CNR1: variants seen among roughly 807,000 people sequenced by gnomAD.
CNR1 encodes cannabinoid receptor 1.
A neutral mutation model predicts 23.0 loss-of-function variants in CNR1; 10 were observed. The ratio of observed to expected loss-of-function variants is 0.43; its 90% confidence interval spans 0.27 to 0.74. The LOEUF (loss-of-function observed/expected upper bound fraction) is 0.74, where lower values mean the gene tolerates loss of function less well. Ranked by LOEUF, CNR1 falls within the 30% of genes least tolerant of loss-of-function variation. CNR1 has a pLI of 0.19. For synonymous variants in CNR1, 271 were observed against 255.2 expected, an observed-to-expected ratio of 1.06 and a Z score of -0.59; for missense variants, 422 against 618.8, an observed-to-expected ratio of 0.68 and a Z score of 3.37.
intron 1 of CNR1, among the ~76,000 whole-genome samples, chr6:88,160,771 C>T (rs921372969): frequency 9.2e-5 from 14 of 152,098 alleles, no homozygotes; most frequent in Admixed American, 8.5e-4. Flanking sequence ...TAGAATTTAT[C>T]GCTAGCTTGA....
intron 1 of CNR1, among the ~76,000 whole-genome samples, chr6:88,154,004 C>A (rs1777664954): frequency 2.0e-5 from 3 of 152,188 alleles, no homozygotes; most frequent in Admixed American, 2.0e-4. Flanking sequence ...CCTGATAATT[C>A]AGGCAAAAAT....
Position 88,160,379 on chromosome 6 carries a change from AC to A in CNR1, c.-64+5423del, listed in dbSNP as rs572790096. On this transcript the variant is annotated intron_variant, in intron 1 of 1. Transcript: ENST00000369501. Reference sequence around the variant, plus strand: ...CAATGTTATGAATTACCTAGTACAAACGTCCATATAAGTAGAAATTTATTTA... The same window carrying A: ...CAATGTTATGAATTACCTAGTACAAAGTCCATATAAGTAGAAATTTATTTA... Among the ~76,000 whole-genome samples, 1,105 of 151,948 alleles carry A rather than the reference AC, an allele frequency of 7.3e-3. 6 individuals are homozygous for A. The highest frequency in any genetic ancestry group is 0.017 in the Middle Eastern group (5 of 294).
chr6:88,141,616 T>C lies in CNR1; in HGVS notation c.*2240A>G, dbSNP rs1776822738. 1 of 152,388 alleles carries C rather than the reference T, an allele frequency of 6.6e-6. No individual in the cohort carries two copies. The highest frequency in any genetic ancestry group is 2.4e-5 in the African/African-American group (1 of 41,472). 9.4% of individuals were successfully genotyped at this position (152,388 alleles called of 1,614,324 possible). A position where few individuals can be genotyped will look rare whatever the true frequency, so the allele number is the denominator to read the frequency against. On this transcript the variant is annotated 3_prime_UTR_variant, in exon 2 of 2. Transcript: ENST00000369501. ...CAATTCTTAAATGCAAACTAAACCC[T>C]GGTGAGTTCTTCTTGTAAATAATCT...
In CNR1 at chr6:88,140,002, A is replaced by T. The variant is rs915152479; in HGVS notation, c.*3854T>A. On this transcript the variant is annotated 3_prime_UTR_variant, in exon 2 of 2. Coordinates refer to ENST00000369501, the MANE Select transcript of CNR1 (RefSeq NM_016083.6). ...ATAAAATATACTGTGGGCTTAATAC[A>T]TTGTAAATATTACAGAAGAAGTACT... 6.6e-5 allele frequency: 10 copies of T among 152,584 alleles called. 1 individual carries two copies. The highest frequency in any genetic ancestry group is 5.9e-4 in the Admixed American group (9 of 15,288). 9.5% of individuals were successfully genotyped at this position (152,584 alleles called of 1,614,324 possible). A position where few individuals can be genotyped will look rare whatever the true frequency, so the allele number is the denominator to read the frequency against.
At position 88,144,547 on chromosome 6, in the gene CNR1, A is replaced by G. The variant is rs151214105; in HGVS notation, c.728T>C (p.Ile243Thr). The change falls in exon 2 of 2, where the codon ATA (isoleucine) becomes ACA (threonine). Residue 243 changes from isoleucine (I) to threonine (T), a missense_variant. By Grantham distance (89) the Ile-to-Thr change is moderately conservative. Around this residue, in one of 4 missense-constraint regions of CNR1, gnomAD observed 211 missense variants for 357.3 expected, o/e 0.59. Transcript: ENST00000369501. The surrounding 1 kb of genome is among the most constrained non-coding windows in gnomAD (Gnocchi z 7.8). ...AVVAFCLMWT[I>T]AIVIAVLPLL... is the part of the protein sequence containing the mutation. ...AGGCAGCACGGCGATCACAATGGCT[A>G]TGGTCCACATCAGGCAAAACGCCAC... The G allele has an allele frequency of 1.2e-6, 2 of 1,614,228 alleles. No individual in the cohort carries two copies. The highest frequency in any genetic ancestry group is 1.7e-6 in the Non-Finnish European group (2 of 1,180,040).
At chr6:88,166,879 C>G (rs1206810321), upstream of CNR1, among the ~76,000 whole-genome samples, 1 of 151,836 alleles carries the variant, frequency 6.6e-6, no homozygotes, top group Non-Finnish European at 1.5e-5. Context: ...CGCGCAAGGC[C>G]GCTCCCGTGG....
intron 1 of CNR1, among the ~76,000 whole-genome samples, chr6:88,146,770 T>A (rs1168405151): frequency 6.6e-6 from 1 of 152,248 alleles, no homozygotes; most frequent in Non-Finnish European, 1.5e-5. Context: ...GCATTTGTTG[T>A]TCCTGAAACA....
intron 1 of CNR1, among the ~76,000 whole-genome samples, chr6:88,158,027 G>A (rs555200081): frequency 6.6e-6 from 1 of 152,288 alleles, no homozygotes; most frequent in South Asian, 2.1e-4. Flanking sequence ...AGGTACTTAT[G>A]TATCACCTAC....
chr6:88,144,354 G>C lies in CNR1; in HGVS notation c.921C>G (p.Arg307=). The change falls in exon 2 of 2, where the codon CGC becomes CGG. Residue 307 remains arginine (R), a synonymous_variant. Coordinates refer to ENST00000369501, the MANE Select transcript of CNR1 (RefSeq NM_016083.6). The surrounding 1 kb of genome is among the most constrained non-coding windows in gnomAD (Gnocchi z 7.8). ...ILWKAHSHAV[R]MIQRGTQKSI... ...TCTTCTGGGTGCCACGCTGAATCAT[G>C]CGGACGGCGTGGCTGTGAGCCTTCC... The C allele has an allele frequency of 6.2e-7, 1 of 1,613,770 alleles. No individual in the cohort carries two copies. Among genetic ancestry groups the C allele is most frequent in the East Asian group, 2.2e-5 (1 of 44,882 alleles).
In CNR1 at chr6:88,144,050, G is replaced by T. The variant is rs149335541; in HGVS notation, c.1225C>A (p.Arg409=). The T allele has an allele frequency of 1.9e-4, 300 of 1,614,028 alleles. 1 individual carries two copies. In the East Asian group the frequency reaches 6.6e-3, roughly 36 times the overall value. The change falls in exon 2 of 2, where the codon CGG becomes AGG. Residue 409 remains arginine (R), a synonymous_variant. Transcript: ENST00000369501. The surrounding 1 kb of genome is among the most constrained non-coding windows in gnomAD (Gnocchi z 7.8). The part of the protein sequence containing the change: ...LRSKDLRHAF[R]SMFPSCEGTA... ...CCTTCACAAGAGGGAAACATGCTCC[G>T]GAAAGCGTGTCGCAGGTCCTTACTC...
rs1474204939 is a variant in CNR1 at position 88,165,862 on chromosome 6, G to C, written c.-123C>G. 1 of 152,460 alleles carries C rather than the reference G, an allele frequency of 6.6e-6. No individual in the cohort carries two copies. The highest frequency in any genetic ancestry group is 1.5e-5 in the Non-Finnish European group (1 of 68,144). 9.4% of individuals were successfully genotyped at this position (152,460 alleles called of 1,614,324 possible). On this transcript the variant is annotated 5_prime_UTR_variant, in exon 1 of 2. Transcript: ENST00000369501. ...CCTTGGCACCTCTCGCCCAGCTCAG[G>C]GGCTGGTTGTCCGCTAGAACGAAAT...
intron 1 of CNR1, among the ~76,000 whole-genome samples, chr6:88,147,336 G>A (rs1345619207): frequency 6.6e-6 from 1 of 152,044 alleles, no homozygotes; most frequent in Non-Finnish European, 1.5e-5. Flanking sequence ...CCGCATGAAG[G>A]ATATGATCTA....
chr6:88,151,376 TCCAA>T (rs1777508748), intron 1 of CNR1, among the ~76,000 whole-genome samples: 1 of 152,180 alleles, frequency 6.6e-6, no homozygotes. Flanking sequence ...CTTCACTGAT[TCCAA>T]CCAGTCAAAG....
chr6:88,139,975 A>C lies in CNR1; in HGVS notation c.*3881T>G, dbSNP rs1294417204. The C allele has an allele frequency of 6.6e-6, 1 of 152,416 alleles. No homozygotes were observed. Among genetic ancestry groups the C allele is most frequent in the East Asian group, 1.9e-4 (1 of 5,310 alleles). 9.4% of individuals were successfully genotyped at this position (152,416 alleles called of 1,614,324 possible). On this transcript the variant is annotated 3_prime_UTR_variant, in exon 2 of 2. Transcript: ENST00000369501. ...ATAAGTTAACAGTTTAATTACATTG[A>C]AATAAAATATACTGTGGGCTTAATA...
rs1182696122 is a variant in CNR1 at position 88,140,976 on chromosome 6, A to AG, written c.*2879_*2880insC. 6.6e-6 allele frequency: 1 copy of AG among 151,902 alleles called. No individual in the cohort carries two copies. The highest frequency in any genetic ancestry group is 1.5e-5 in the Non-Finnish European group (1 of 67,908). 9.4% of individuals were successfully genotyped at this position (151,902 alleles called of 1,614,324 possible). ...GACTGATTCATCATGACTCTGATAA[A>AG]AAAAAAATGAGCAGGTTGGGAATTT... On this transcript the variant is annotated 3_prime_UTR_variant, in exon 2 of 2. Transcript: ENST00000369501.
Position 88,140,027 on chromosome 6 carries a change from T to G in CNR1, c.*3829A>C, listed in dbSNP as rs1776721427. 1 of 152,758 alleles carries G rather than the reference T, an allele frequency of 6.5e-6. No homozygotes were observed. The highest frequency in any genetic ancestry group is 2.1e-4 in the South Asian group (1 of 4,836). 9.5% of individuals were successfully genotyped at this position (152,758 alleles called of 1,614,324 possible). ...ATTGTAAATATTACAGAAGAAGTAC[T>G]ACTTTGCTATAGTAATTTAATGACT... On this transcript the variant is annotated 3_prime_UTR_variant, in exon 2 of 2. Transcript: ENST00000369501.
intron 1 of CNR1, among the ~76,000 whole-genome samples, chr6:88,161,310 T>A (rs1485336516): frequency 6.6e-6 from 1 of 152,240 alleles, no homozygotes; most frequent in Non-Finnish European, 1.5e-5. Flanking sequence ...CTGCAATGAC[T>A]CTGCCATGCC....
In CNR1 at chr6:88,166,136, CG is replaced by C. The variant is rs1322974720; in HGVS notation, c.-398del. On this transcript the variant is annotated 5_prime_UTR_variant, in exon 1 of 2. Coordinates refer to ENST00000369501, the MANE Select transcript of CNR1 (RefSeq NM_016083.6). The stretch of plus-strand genomic sequence containing the variant: ...TCAGTCCGTCCGAGCGCCGGCGTCC[CG>C]GTCTCCAGCGCCCGCCCGCGACAGC... The C allele has an allele frequency of 2.6e-5, 4 of 152,100 alleles. No homozygotes were observed. The highest frequency in any genetic ancestry group is 7.2e-5 in the African/African-American group (3 of 41,432). The allele number at this position is 152,100 out of a possible 1,614,324, so 9.4% of individuals were successfully genotyped here.
chr6:88,145,267 G>T lies in CNR1; in HGVS notation c.8C>A (p.Ser3Ter). The change falls in exon 2 of 2, where the codon TCG becomes TAG. Residue 3 changes from serine (S) to a stop codon, truncating the protein, a stop_gained. Coordinates refer to ENST00000369501, the MANE Select transcript of CNR1 (RefSeq NM_016083.6). LOFTEE classifies it high-confidence loss of function. ...GGTATCTGCAAGGCCATCTAGGATCGACTTCATAACCTCAGTCTTTGATTA... is the reference window on the plus strand; with the variant it reads ...GGTATCTGCAAGGCCATCTAGGATCTACTTCATAACCTCAGTCTTTGATTA... The part of the protein sequence containing the change: MK[S>*]ILDGLADTTF... The T allele has an allele frequency of 6.2e-7, 1 of 1,607,914 alleles. No individual in the cohort carries two copies. Among genetic ancestry groups the T allele is most frequent in the Non-Finnish European group, 8.5e-7 (1 of 1,176,062 alleles).
Sources: gnomAD v4.1 joint callset for allele counts (sites outside exome capture counted in the v4.1 genomes callset) on GRCh38, gnomAD v4.1.1 for gene constraint, gnomAD v4.1.1 regional missense constraint, Gnocchi (gnomAD v3.1) non-coding constraint, MANE v1.5 for transcripts, NCBI Gene and HGNC (gene_info 2026-07-23, HGNC 2026-07-21) for gene names.